The following CDH13 variants were observed in gnomAD, a reference collection of about 807,000 sequenced individuals.
The protein encoded by CDH13 is cadherin-13.
A neutral mutation model predicts 63.8 loss-of-function variants in CDH13; 24 were observed. That is an observed-to-expected ratio of 0.38 (90% CI 0.27 to 0.53). The LOEUF (loss-of-function observed/expected upper bound fraction) is 0.53, where lower values mean the gene tolerates loss of function less well. CDH13 is among the 20% of genes least tolerant of loss of function. The pLI is 0.85. For missense variants in CDH13, 1,049 were observed against 903.1 expected (o/e 1.16, Z -2.07); for synonymous variants, 503 against 355.3 (o/e 1.42, Z -4.67).
At chr16:83,451,396 C>T (rs1185319024) in intron 6 of CDH13, among the ~76,000 whole-genome samples, 2 of 152,190 alleles carry the variant, frequency 1.3e-5, no homozygotes, top group African/African-American at 2.4e-5. Flanking sequence ...ATGGAAAATA[C>T]CTGCCCCCAT....
At chr16:82,845,480 T>G (rs928878624) in intron 1 of CDH13, among the ~76,000 whole-genome samples, 2 of 152,208 alleles carry the variant, frequency 1.3e-5, no homozygotes, top group Non-Finnish European at 2.9e-5. Context: ...AGAGGTTGGC[T>G]GAGGTATTGG....
intron 10 of CDH13, chr16:83,720,986 G>A (rs1316702233): frequency 1.3e-5 from 2 of 152,288 alleles, no homozygotes; most frequent in South Asian, 2.1e-4. Flanking sequence ...CCACCAGGAG[G>A]TTTCATGTAT....
At chr16:83,341,802 G>C (rs2090728424) in intron 5 of CDH13, among the ~76,000 whole-genome samples, 1 of 152,032 alleles carries the variant, frequency 6.6e-6, no homozygotes, top group Non-Finnish European at 1.5e-5. Context: ...TCCTAAATTA[G>C]TTCCAATTAG....
chr16:83,513,101 T>G (rs1388550636), intron 7 of CDH13, among the ~76,000 whole-genome samples: 1 of 152,004 alleles, frequency 6.6e-6, no homozygotes, highest in African/African-American at 2.4e-5. Context: ...TGAAAACAAT[T>G]CAAGAATTGT....
chr16:83,168,734 C>G (rs1463102336), intron 4 of CDH13, among the ~76,000 whole-genome samples: 2 of 152,110 alleles, frequency 1.3e-5, no homozygotes, highest in African/African-American at 4.8e-5. Context: ...TATATCTATA[C>G]TCATTCATAT....
intron 2 of CDH13, among the ~76,000 whole-genome samples, chr16:82,948,191 A>G (rs1243382788): frequency 1.3e-5 from 2 of 152,178 alleles, no homozygotes; most frequent in Non-Finnish European, 2.9e-5. Flanking sequence ...AGTTATTTGG[A>G]TAAGCCAACA....
chr16:82,888,289 A>C (rs1776900546), intron 2 of CDH13, among the ~76,000 whole-genome samples: 1 of 152,134 alleles, frequency 6.6e-6, no homozygotes, highest in African/African-American at 2.4e-5. Context: ...AATCTGGGAG[A>C]ATAAAGGCAA....
intron 5 of CDH13, among the ~76,000 whole-genome samples, chr16:83,265,255 C>G (rs1218568239): frequency 6.6e-6 from 1 of 152,166 alleles, no homozygotes; most frequent in Non-Finnish European, 1.5e-5. Context: ...ACTCTGTTTG[C>G]CTTTGTCCTG....
At position 82,845,297 on chromosome 16, in the gene CDH13, G is replaced by A. The variant is rs977461455; in HGVS notation, c.46-13065G>A. On this transcript the variant is annotated intron_variant, in intron 1 of 13. Transcript: ENST00000567109. Reference sequence around the variant, plus strand: ...CAGCTGTCATTTCCAATGCACTGAGGGCTGTCCATAGGAGCATTAACTCCC... The same window carrying A: ...CAGCTGTCATTTCCAATGCACTGAGAGCTGTCCATAGGAGCATTAACTCCC... Among the ~76,000 whole-genome samples the A allele has an allele frequency of 5.9e-5, 9 of 152,160 alleles. No individual in the cohort carries two copies. In the South Asian group the frequency reaches 1.0e-3, roughly 18 times the overall value.
At chr16:83,082,693 G>A (rs1291403681) in intron 3 of CDH13, among the ~76,000 whole-genome samples, 3 of 152,118 alleles carry the variant, frequency 2.0e-5, no homozygotes, top group Non-Finnish European at 2.9e-5. Context: ...CTAAACTGGA[G>A]CAATGGACTA....
intron 3 of CDH13, among the ~76,000 whole-genome samples, chr16:83,045,634 T>TAAAAAAAAAAAA (rs71382861): frequency 1.5e-4 from 16 of 107,914 alleles, no homozygotes; most frequent in African/African-American, 5.9e-4. Flanking sequence ...AAGATTCCTT[T>TAAAAAAAAAAAA]AAAAAAAAAA....
At position 83,799,731 on chromosome 16, in the gene CDH13, A is replaced by T. The variant is rs1904305744; in HGVS notation, c.*4701A>T. 2 of 152,232 alleles carry T rather than the reference A, an allele frequency of 1.3e-5. No homozygotes were observed. The highest frequency in any genetic ancestry group is 4.1e-4 in the South Asian group (2 of 4,830). 9.4% of individuals were successfully genotyped at this position (152,232 alleles called of 1,614,324 possible). On this transcript the variant is annotated 3_prime_UTR_variant, in exon 14 of 14. Coordinates refer to ENST00000567109, the MANE Select transcript of CDH13 (RefSeq NM_001257.5). ...ACAGTCTAATGATAAAATGCTTTCA[A>T]AATGGTTCATCTAACACAATTAACA...
chr16:83,299,005 G>A (rs969574700), intron 5 of CDH13, among the ~76,000 whole-genome samples: 8 of 152,176 alleles, frequency 5.3e-5, no homozygotes, highest in African/African-American at 1.7e-4. Context: ...TATAAAGCAT[G>A]AGTAAAAATA....
intron 11 of CDH13, among the ~76,000 whole-genome samples, chr16:83,775,917 A>C (rs1417336183): frequency 6.6e-6 from 1 of 152,086 alleles, no homozygotes; most frequent in Admixed American, 6.6e-5. Flanking sequence ...AGAAGCCCCT[A>C]TATTTCCTGG....
rs546159400 is a variant in CDH13 at position 82,640,762 on chromosome 16, A to T, written c.45+13625A>T. Among the ~76,000 whole-genome samples, 14 of 152,306 alleles carry T rather than the reference A, an allele frequency of 9.2e-5. No homozygotes were observed. In the South Asian group the frequency reaches 2.9e-3, roughly 32 times the overall value. On this transcript the variant is annotated intron_variant, in intron 1 of 13. Transcript: ENST00000567109. ...CTTTAGGGTCACATATCACTAGATT[A>T]TTTGCATTAACTTTTATCAAGGTAA...
intron 2 of CDH13, among the ~76,000 whole-genome samples, chr16:82,922,807 G>C (rs1258169389): frequency 1.3e-5 from 2 of 152,170 alleles, no homozygotes; most frequent in East Asian, 3.8e-4. Context: ...GTGCCACACT[G>C]TATAACCTGG....
chr16:82,805,519 G>A (rs1388999646), intron 1 of CDH13, among the ~76,000 whole-genome samples: 2 of 152,138 alleles, frequency 1.3e-5, no homozygotes, highest in Non-Finnish European at 2.9e-5. Context: ...GAGTTCGGGG[G>A]CCTATATGGA....
intron 4 of CDH13, among the ~76,000 whole-genome samples, chr16:83,176,291 C>T (rs1186607595): frequency 1.3e-5 from 2 of 151,792 alleles, no homozygotes; most frequent in African/African-American, 4.8e-5. Flanking sequence ...GCAGGCAGAC[C>T]ACGAGGTCAG....
intron 1 of CDH13, among the ~76,000 whole-genome samples, chr16:82,848,074 C>A (rs1051744926): frequency 2.6e-5 from 4 of 152,074 alleles, no homozygotes. Context: ...GTTCAAAGAA[C>A]AAAGAGAAAG....
Sources: gnomAD v4.1 joint callset for allele counts (sites outside exome capture counted in the v4.1 genomes callset) on GRCh38, gnomAD v4.1.1 for gene constraint, MANE v1.5 for transcripts, NCBI Gene and HGNC (gene_info 2026-07-23, HGNC 2026-07-21) for gene names.